Variants in CDH24 observed in about 807,000 individuals in gnomAD.
CDH24 encodes the protein cadherin-24.
In CDH24, 61 loss-of-function variants were observed where a neutral mutation model predicts 71.2. The observed-to-expected ratio is 0.86, with a 90% CI of 0.70 to 1.06. CDH24 has a LOEUF of 1.06. Ranked by LOEUF, CDH24 falls within the 50% of genes least tolerant of loss-of-function variation. The pLI is 0.00. For synonymous variants in CDH24, 440 were observed against 470.2 expected, an observed-to-expected ratio of 0.94 and a Z score of 0.83; for missense variants, 961 against 1,083.7, an observed-to-expected ratio of 0.89 and a Z score of 1.59.
Position 23,048,132 on chromosome 14 carries a change from C to G in CDH24, c.2194G>C (p.Gly732Arg), listed in dbSNP as rs1359769792. The stretch of plus-strand genomic sequence containing the variant: ...AGGGAGCCGCAAGAGGAGCCGCGGC[C>G]CTCGTAGCCGTACACCTGCACCGAG... Reference protein sequence around the residue: ...YDSVQVYGYEGRGSSCGSLSS... With the variant: ...YDSVQVYGYERRGSSCGSLSS... The change falls in exon 12 of 13, where the codon GGC (glycine) becomes CGC (arginine). Residue 732 changes from glycine (G) to arginine (R), a missense_variant. Transcript: ENST00000487137. The G allele has an allele frequency of 4.4e-5, 61 of 1,397,766 alleles. No homozygotes were observed. Among genetic ancestry groups the G allele is most frequent in the Non-Finnish European group, 4.9e-5 (53 of 1,079,396 alleles). The allele number at this position is 1,397,766 out of a possible 1,614,324, so 86.6% of individuals were successfully genotyped here.
Position 23,048,168 on chromosome 14 carries a change from G to T in CDH24, c.2158C>A (p.Pro720Thr). 1 of 1,354,620 alleles carries T rather than the reference G, an allele frequency of 7.4e-7. No individual in the cohort carries two copies. The highest frequency in any genetic ancestry group is 9.5e-7 in the Non-Finnish European group (1 of 1,050,340). The allele number at this position is 1,354,620 out of a possible 1,614,324, so 83.9% of individuals were successfully genotyped here. A position where few individuals can be genotyped will look rare whatever the true frequency, so the allele number is the denominator to read the frequency against. The change falls in exon 12 of 13, where the codon CCC (proline) becomes ACC (threonine). Residue 720 changes from proline to threonine, a missense_variant. By Grantham distance (38) the Pro-to-Thr change is conservative (BLOSUM62 -1). Around this residue, in one of 2 missense-constraint regions of CDH24, gnomAD observed 290 missense variants for 272.8 expected, o/e 1.06. Coordinates refer to ENST00000487137, the MANE Select transcript of CDH24 (RefSeq NM_144985.4). ...TACACCTGCACCGAGTCGTACGGGG[G>T]TACGCCGGGGTCCTCGTCCGCCTCG... ...LREADEDPGV[P>T]PYDSVQVYGY...
At position 23,057,496 on chromosome 14, in the gene CDH24, G is replaced by A; in HGVS notation, c.-218C>T. The A allele has an allele frequency of 6.6e-6, 1 of 151,964 alleles. No individual in the cohort carries two copies. Among genetic ancestry groups the A allele is most frequent in the East Asian group, 1.9e-4 (1 of 5,158 alleles). The allele number at this position is 151,964 out of a possible 1,614,324, so 9.4% of individuals were successfully genotyped here. ...GCACAGCCCCGAGCCGATTGGAGCGGGCGCCGCGGCTCCGCTGCAGGTCTG... is the reference window on the plus strand; with the variant it reads ...GCACAGCCCCGAGCCGATTGGAGCGAGCGCCGCGGCTCCGCTGCAGGTCTG... On this transcript the variant is annotated 5_prime_UTR_variant, in exon 1 of 13. Transcript: ENST00000487137. This position sits in a 1 kb window ranked among gnomAD's most constrained non-coding sequence, Gnocchi z 5.4.
chr14:23,052,628 T>C lies in CDH24; in HGVS notation c.1227-19A>G. 6.2e-7 allele frequency: 1 copy of C among 1,611,338 alleles called. No homozygotes were observed. The highest frequency in any genetic ancestry group is 8.5e-7 in the Non-Finnish European group (1 of 1,178,144). On this transcript the variant is annotated intron_variant, in intron 7 of 12. Coordinates refer to ENST00000487137, the MANE Select transcript of CDH24 (RefSeq NM_144985.4). ...GGAGTATCTGGGGAAGGGAGAGACA[T>C]GCTGGGGCTGATCTGGGGCGGGACC...
intron 7 of CDH24, among the ~76,000 whole-genome samples, chr14:23,053,240 T>C (rs1375741623): frequency 6.6e-6 from 1 of 152,174 alleles, no homozygotes; most frequent in East Asian, 1.9e-4. Flanking sequence ...AATGAGACTA[T>C]ATCCACTTGC....
Position 23,055,775 on chromosome 14 carries a change from C to G in CDH24, c.-42G>C. On this transcript the variant is annotated 5_prime_UTR_variant, in exon 2 of 13. Coordinates refer to ENST00000487137, the MANE Select transcript of CDH24 (RefSeq NM_144985.4). This position sits in a 1 kb window ranked among gnomAD's most constrained non-coding sequence, Gnocchi z 4.1. The stretch of plus-strand genomic sequence containing the variant: ...GGGCTCTGTTCACTGGCCCTGGGTG[C>G]TGAGGCTGGGCCAGGCCACGTGGCC... The G allele has an allele frequency of 1.3e-6, 2 of 1,485,646 alleles. No homozygotes were observed. Among genetic ancestry groups the G allele is most frequent in the South Asian group, 1.3e-5 (1 of 74,542 alleles). 92.0% of individuals were successfully genotyped at this position (1,485,646 alleles called of 1,614,324 possible). A position where few individuals can be genotyped will look rare whatever the true frequency, so the allele number is the denominator to read the frequency against.
rs754190038 is a variant in CDH24, at chr14:23,049,294, G to GT, written c.1598-20dup. On this transcript the variant is annotated intron_variant, in intron 10 of 12. Coordinates refer to ENST00000487137, the MANE Select transcript of CDH24 (RefSeq NM_144985.4). The stretch of plus-strand genomic sequence containing the variant: ...GAGCCATCTGTGGGAGAGGGAAGGT[G>GT]TTGAGGTATCTTCTGGGACACCTTC... The GT allele has an allele frequency of 6.4e-7, 1 of 1,560,034 alleles. No individual in the cohort carries two copies. Among genetic ancestry groups the GT allele is most frequent in the Non-Finnish European group, 8.7e-7 (1 of 1,152,062 alleles).
At position 23,054,942 on chromosome 14, in the gene CDH24, G is replaced by C; in HGVS notation, c.497-76C>G. The C allele has an allele frequency of 6.3e-7, 1 of 1,599,016 alleles. No homozygotes were observed. The highest frequency in any genetic ancestry group is 8.5e-7 in the Non-Finnish European group (1 of 1,171,964). On this transcript the variant is annotated intron_variant, in intron 3 of 12. Transcript: ENST00000487137. The surrounding 1 kb of genome is among the most constrained non-coding windows in gnomAD (Gnocchi z 5.2). Reference sequence around the variant, plus strand: ...AGAACAACCGATGGGGGGGGATGCAGATACGAGGGAGGCTGAATTGAAGGG... The same window carrying C: ...AGAACAACCGATGGGGGGGGATGCACATACGAGGGAGGCTGAATTGAAGGG...
At position 23,054,231 on chromosome 14, in the gene CDH24, C is replaced by A; in HGVS notation, c.882G>T (p.Met294Ile). Residue 294 changes from methionine to isoleucine, a missense_variant, in exon 6 of 13, where the codon ATG becomes ATT. Met to Ile is a conservative substitution (Grantham distance 10). This residue lies in a region of CDH24 where 671 missense variants were observed against 810.9 expected (regional missense o/e 0.83). Coordinates refer to ENST00000487137, the MANE Select transcript of CDH24 (RefSeq NM_144985.4). This position sits in a 1 kb window ranked among gnomAD's most constrained non-coding sequence, Gnocchi z 5.2. ...QDPDLGDNAL[M>I]AYSILDGEGS... ...CCTCCCCATCCAGGATGCTGTATGC[C>A]ATCAGGGCGTTGTCCCCCAGGTCTG... 6.2e-7 allele frequency: 1 copy of A among 1,613,792 alleles called. No homozygotes were observed. The highest frequency in any genetic ancestry group is 1.1e-5 in the South Asian group (1 of 91,074).
chr14:23,055,902 T>G lies in CDH24; in HGVS notation c.-124-45A>C. 1 of 588,090 alleles carries G rather than the reference T, an allele frequency of 1.7e-6. No homozygotes were observed. Among genetic ancestry groups the G allele is most frequent in the Non-Finnish European group, 3.0e-6 (1 of 336,068 alleles). The allele number at this position is 588,090 out of a possible 1,614,324, so 36.4% of individuals were successfully genotyped here. ...TCAGGCTCAAGGAAACCCCTAGCCC[T>G]CCTCCCCCGCAAAATTAGATGCTGA... On this transcript the variant is annotated intron_variant, in intron 1 of 12. Coordinates refer to ENST00000487137, the MANE Select transcript of CDH24 (RefSeq NM_144985.4). This position sits in a 1 kb window ranked among gnomAD's most constrained non-coding sequence, Gnocchi z 4.1.
intron 7 of CDH24, 57 bp downstream of exon 7, chr14:23,053,439 C>T (rs1395526916): frequency 1.3e-6 from 2 of 1,496,418 alleles, no homozygotes; most frequent in Non-Finnish European, 1.8e-6. Flanking sequence ...TTTACTCATT[C>T]TCTGGGTGGG....
In CDH24 at chr14:23,047,852, G is replaced by T; in HGVS notation, c.*128C>A. The stretch of plus-strand genomic sequence containing the variant: ...GAGGGTGCCCCGGGGAAGCAAGGAG[G>T]GACACAAGGACAGGGAGGAGGCCTG... On this transcript the variant is annotated 3_prime_UTR_variant, in exon 12 of 13. Coordinates refer to ENST00000487137, the MANE Select transcript of CDH24 (RefSeq NM_144985.4). 2 of 555,690 alleles carry T rather than the reference G, an allele frequency of 3.6e-6. No homozygotes were observed. The highest frequency in any genetic ancestry group is 5.4e-6 in the Non-Finnish European group (2 of 370,942). 34.4% of individuals were successfully genotyped at this position (555,690 alleles called of 1,614,324 possible).
rs986709449 is a variant in CDH24, at chr14:23,057,515, A to T, written c.-237T>A. On this transcript the variant is annotated 5_prime_UTR_variant, in exon 1 of 13. Transcript: ENST00000487137. This position sits in a 1 kb window ranked among gnomAD's most constrained non-coding sequence, Gnocchi z 5.4. ...GGAGCGGGCGCCGCGGCTCCGCTGC[A>T]GGTCTGAGCGGCCCCGGCGAGAACA... is the stretch of plus-strand genomic sequence containing the variant. 2 of 151,714 alleles carry T rather than the reference A, an allele frequency of 1.3e-5. No homozygotes were observed. The highest frequency in any genetic ancestry group is 4.8e-5 in the African/African-American group (2 of 41,338). The allele number at this position is 151,714 out of a possible 1,614,324, so 9.4% of individuals were successfully genotyped here. A position where few individuals can be genotyped will look rare whatever the true frequency, so the allele number is the denominator to read the frequency against.
chr14:23,049,141 G>A lies in CDH24; in HGVS notation c.1732C>T (p.Arg578Cys), dbSNP rs201573362. ...STATVTVSVC[R>C]CQPDGSVASC... Reference sequence around the variant, plus strand: ...GCCACAGAGCCGTCAGGCTGGCAGCGGCACACACTAACAGTCACTGTGGCA... The same window carrying A: ...GCCACAGAGCCGTCAGGCTGGCAGCAGCACACACTAACAGTCACTGTGGCA... The change falls in exon 11 of 13, where the codon CGC becomes TGC. Residue 578 changes from arginine to cysteine, a missense_variant. This residue lies in a region of CDH24 where 671 missense variants were observed against 810.9 expected (regional missense o/e 0.83). Coordinates refer to ENST00000487137, the MANE Select transcript of CDH24 (RefSeq NM_144985.4). 8.4e-5 allele frequency: 135 copies of A among 1,599,266 alleles called. No homozygotes were observed. The highest frequency in any genetic ancestry group is 1.1e-5 in the South Asian group (1 of 89,362).
Position 23,054,102 on chromosome 14 carries a change from G to T in CDH24, c.972+39C>A. ...TATGTGCCCTGTGGGTCGGCAGGAG[G>T]CAGGTCTAAGAGAAAGCATTAACAG... On this transcript the variant is annotated intron_variant, in intron 6 of 12. Coordinates refer to ENST00000487137, the MANE Select transcript of CDH24 (RefSeq NM_144985.4). The surrounding 1 kb of genome is among the most constrained non-coding windows in gnomAD (Gnocchi z 5.2). 6.5e-7 allele frequency: 1 copy of T among 1,534,274 alleles called. No homozygotes were observed. Among genetic ancestry groups the T allele is most frequent in the Non-Finnish European group, 8.8e-7 (1 of 1,136,894 alleles).
Position 23,053,749 on chromosome 14 carries a change from GC to G in CDH24, c.973-1del. On this transcript the variant is annotated splice_acceptor_variant, in intron 6 of 12. Coordinates refer to ENST00000487137, the MANE Select transcript of CDH24 (RefSeq NM_144985.4). LOFTEE classifies it high-confidence loss of function. The stretch of plus-strand genomic sequence containing the variant: ...GAGCGCTGGCTCTCAAAGTCTAGGG[GC>G]TATGGTGAGGGGAGAGGGAGAAAAA... The G allele has an allele frequency of 6.3e-7, 1 of 1,595,440 alleles. No individual in the cohort carries two copies. Among genetic ancestry groups the G allele is most frequent in the Non-Finnish European group, 8.6e-7 (1 of 1,169,576 alleles).
At chr14:23,049,492 C>T (rs995212728) in intron 10 of CDH24, 135 bp downstream of exon 10, 4 of 690,076 alleles carry the variant, frequency 5.8e-6, no homozygotes, top group African/African-American at 5.4e-5. Flanking sequence ...CGAATGAGTA[C>T]AAGTCCACAC....
Position 23,050,307 on chromosome 14 carries a change from C to T in CDH24, c.1364-364G>A, listed in dbSNP as rs2047076565. Among the ~76,000 whole-genome samples, 11 of 152,148 alleles carry T rather than the reference C, an allele frequency of 7.2e-5. No individual in the cohort carries two copies. In the South Asian group the frequency reaches 2.3e-3, roughly 32 times the overall value. On this transcript the variant is annotated intron_variant, in intron 8 of 12. Transcript: ENST00000487137. ...ACAACAGCCATGAATATACAAAACA[C>T]ATTCATACCATATATCCAATGTACA...
At chr14:23,053,863 G>A in intron 6 of CDH24, 114 bp from the exon 7 acceptor site, 1 of 1,080,268 alleles carries the variant, frequency 9.3e-7, no homozygotes, top group Non-Finnish European at 1.3e-6. Flanking sequence ...CAGTCCTCAT[G>A]TGAGGAGAGG....
Position 23,048,134 on chromosome 14 carries a change from T to C in CDH24, c.2192A>G (p.Glu731Gly). Residue 731 changes from glutamate (E) to glycine (G), a missense_variant, in exon 12 of 13, where the codon GAG becomes GGG. Glu to Gly is a moderately conservative substitution (Grantham distance 98, BLOSUM62 -2). This residue lies in a region of CDH24 where 290 missense variants were observed against 272.8 expected (regional missense o/e 1.06). Coordinates refer to ENST00000487137, the MANE Select transcript of CDH24 (RefSeq NM_144985.4). ...PYDSVQVYGY[E>G]GRGSSCGSLS... is the part of the protein sequence containing the mutation. ...GGAGCCGCAAGAGGAGCCGCGGCCC[T>C]CGTAGCCGTACACCTGCACCGAGTC... 1 of 1,397,940 alleles carries C rather than the reference T, an allele frequency of 7.2e-7. No homozygotes were observed. The highest frequency in any genetic ancestry group is 3.4e-5 in the Admixed American group (1 of 29,360). 86.6% of individuals were successfully genotyped at this position (1,397,940 alleles called of 1,614,324 possible). A position where few individuals can be genotyped will look rare whatever the true frequency, so the allele number is the denominator to read the frequency against.
Sources: allele counts gnomAD v4.1 joint callset (sites outside exome capture counted in the v4.1 genomes callset), GRCh38; gene constraint gnomAD v4.1.1; regional missense constraint gnomAD v4.1.1; non-coding constraint Gnocchi (gnomAD v3.1); transcripts MANE v1.5; gene names NCBI Gene and HGNC (gene_info 2026-07-23, HGNC 2026-07-21).